Variants in PM20D2 observed in about 807,000 individuals in gnomAD.
PM20D2 encodes the protein xaa-Arg dipeptidase.
A neutral mutation model predicts 42.9 loss-of-function variants in PM20D2; 33 were observed. The observed-to-expected ratio is 0.77, with a 90% CI of 0.58 to 1.03. The LOEUF is 1.03. Among genes scored for constraint, PM20D2 ranks in the 50% least tolerant of loss-of-function variants. PM20D2 has a pLI of 0.00. For synonymous variants in PM20D2, 250 were observed against 228.2 expected (o/e 1.10, Z -0.86); for missense variants, 548 against 557.0 (o/e 0.98, Z 0.16).
intron 2 of PM20D2, among the ~76,000 whole-genome samples, chr6:89,150,388 G>A (rs755496906): frequency 6.6e-6 from 1 of 152,084 alleles, no homozygotes; most frequent in Non-Finnish European, 1.5e-5. Context: ...ACTAGAAGGG[G>A]CCTGCATATG....
the PM20D2 span, among the ~76,000 whole-genome samples, chr6:89,127,084 G>A: frequency 6.6e-6 from 1 of 152,146 alleles, no homozygotes; most frequent in African/African-American, 2.4e-5. Context: ...TAACTTTCCT[G>A]TATAAATTTA....
At position 89,158,320 on chromosome 6, in the gene PM20D2, A is replaced by G; in HGVS notation, c.913-5A>G. On this transcript the variant is annotated splice_polypyrimidine_tract_variant and splice_region_variant and intron_variant, in intron 4 of 6. Coordinates refer to ENST00000275072, the MANE Select transcript of PM20D2 (RefSeq NM_001010853.3). ...TTCAAAATTTGTTTTGCAATTTTTT[A>G]TTAGGTGGAAATTAAAGGTGGAGCA... The G allele has an allele frequency of 6.4e-7, 1 of 1,564,274 alleles. No homozygotes were observed. Among genetic ancestry groups the G allele is most frequent in the Non-Finnish European group, 8.6e-7 (1 of 1,161,838 alleles).
At chr6:89,144,678 G>C (rs1439341801), upstream of PM20D2, among the ~76,000 whole-genome samples, 2 of 152,216 alleles carry the variant, frequency 1.3e-5, no homozygotes, top group African/African-American at 4.8e-5. Context: ...CAGAGTAATT[G>C]CTCTACAAAT....
the PM20D2 span, among the ~76,000 whole-genome samples, chr6:89,134,307 CG>C: frequency 1.1e-4 from 17 of 151,308 alleles, 1 homozygote; most frequent in African/African-American, 3.2e-4. Context: ...TATGCATCTA[CG>C]CCCTAAGCCT....
the PM20D2 span, among the ~76,000 whole-genome samples, chr6:89,110,564 T>C: frequency 1.3e-5 from 2 of 152,106 alleles, no homozygotes; most frequent in African/African-American, 2.4e-5. Context: ...TTTCCATTTT[T>C]TATCTGTAAT....
intron 2 of PM20D2, among the ~76,000 whole-genome samples, chr6:89,150,531 CTT>C (rs753768538): frequency 0.038 from 2,235 of 58,868 alleles, 24 homozygotes; most frequent in African/African-American, 0.15. Flanking sequence ...CTGATCATCT[CTT>C]TTTTTTTTTT....
chr6:89,133,532 CA>C, the PM20D2 span, among the ~76,000 whole-genome samples: 1 of 151,114 alleles, frequency 6.6e-6, no homozygotes, highest in East Asian at 1.9e-4. Context: ...TTGCTTGCAT[CA>C]CCCTCCTGCC....
At chr6:89,095,549 T>C in the PM20D2 span, among the ~76,000 whole-genome samples, 1 of 152,256 alleles carries the variant, frequency 6.6e-6, no homozygotes, top group Admixed American at 6.5e-5. Flanking sequence ...TTGACTAATT[T>C]TGCCTCTGGC....
At chr6:89,129,925 G>A in the PM20D2 span, among the ~76,000 whole-genome samples, 1 of 151,738 alleles carries the variant, frequency 6.6e-6, no homozygotes, top group African/African-American at 2.4e-5. Context: ...TTGTAGAGAT[G>A]GGGTCTCAAT....
intron 4 of PM20D2, among the ~76,000 whole-genome samples, 181 bp from the exon 5 acceptor site, chr6:89,158,144 C>CT (rs1411839286): frequency 6.6e-6 from 1 of 152,108 alleles, no homozygotes; most frequent in African/African-American, 2.4e-5. Context: ...CCTAGGAACT[C>CT]TCGTTATAGA....
the PM20D2 span, among the ~76,000 whole-genome samples, chr6:89,133,832 C>G: frequency 6.6e-6 from 1 of 151,178 alleles, no homozygotes; most frequent in African/African-American, 2.5e-5. Flanking sequence ...ACTACTTGGT[C>G]CCTGATGGCA....
At chr6:89,130,810 C>CTGCTGCTGCTTTTTTTTTTTTTTTTTTTT in the PM20D2 span, among the ~76,000 whole-genome samples, 1 of 57,594 alleles carries the variant, frequency 1.7e-5, no homozygotes. Context: ...TTGTATCTGG[C>CTGCTGCTGCTTTTTTTTTTTTTTTTTTTT]TTCTTCTTCT....
chr6:89,106,276 C>A, the PM20D2 span, among the ~76,000 whole-genome samples: 5 of 83,452 alleles, frequency 6.0e-5, no homozygotes, highest in Non-Finnish European at 1.2e-4. Flanking sequence ...CCACACCCGG[C>A]TAATTTTTGT....
At chr6:89,139,218 G>A in the PM20D2 span, among the ~76,000 whole-genome samples, 1 of 145,674 alleles carries the variant, frequency 6.9e-6, no homozygotes, top group African/African-American at 2.6e-5. Flanking sequence ...ACAGGCACAT[G>A]CCACCATGAC....
At chr6:89,115,545 G>A in the PM20D2 span, among the ~76,000 whole-genome samples, 1 of 151,880 alleles carries the variant, frequency 6.6e-6, no homozygotes, top group African/African-American at 2.4e-5. Context: ...GTCTCCTAAA[G>A]TGCTGGGATT....
chr6:89,148,598 G>A, intron 1 of PM20D2: 1 of 963,134 alleles, frequency 1.0e-6, no homozygotes, highest in Non-Finnish European at 1.2e-6. Context: ...ATAGTTGGCT[G>A]TTTCTAACTG....
In PM20D2 at chr6:89,162,200, A is replaced by G. The variant is rs773504472; in HGVS notation, c.1248A>G (p.Glu416=). The G allele has an allele frequency of 1.2e-6, 2 of 1,614,082 alleles. No individual in the cohort carries two copies. Among genetic ancestry groups the G allele is most frequent in the Admixed American group, 1.7e-5 (1 of 60,006 alleles). ...TTATTTTTAAACCAGAGTTACTGGA[A>G]GGAATCAGAGAGGACTTTAAACTGA... The part of the protein sequence containing the change: ...LDVIFKPELL[E]GIREDFKLKL... Residue 416 remains glutamate (E), a synonymous_variant, in exon 7 of 7, where the codon GAA becomes GAG. Coordinates refer to ENST00000275072, the MANE Select transcript of PM20D2 (RefSeq NM_001010853.3).
chr6:89,151,163 GAAAA>G (rs1168004316), intron 2 of PM20D2, among the ~76,000 whole-genome samples: 2 of 62,006 alleles, frequency 3.2e-5, no homozygotes, highest in African/African-American at 7.1e-5. Context: ...CAAAAAAAAA[GAAAA>G]AAAAAAAGAG....
At chr6:89,117,469 T>G in the PM20D2 span, among the ~76,000 whole-genome samples, 1 of 152,172 alleles carries the variant, frequency 6.6e-6, no homozygotes, top group African/African-American at 2.4e-5. Flanking sequence ...GGGCACTCGC[T>G]GGAGCGCAAA....
Sources: allele counts gnomAD v4.1 joint callset (sites outside exome capture counted in the v4.1 genomes callset), GRCh38; gene constraint gnomAD v4.1.1; transcripts MANE v1.5; gene names NCBI Gene and HGNC (gene_info 2026-07-23, HGNC 2026-07-21).